Variants in BCL6B observed in about 807,000 individuals in gnomAD.
BCL6B encodes BCL6B transcription repressor, also known as B-cell CLL/lymphoma 6 member B protein.
BCL6B carries 28 observed loss-of-function variants against 44.6 expected under a neutral mutation model. The ratio of observed to expected loss-of-function variants is 0.63; its 90% CI spans 0.47 to 0.86. The LOEUF (loss-of-function observed/expected upper bound fraction) is 0.86. Among genes scored for constraint, BCL6B ranks in the 40% least tolerant of loss-of-function variants. The pLI is 0.00. For synonymous variants in BCL6B, 268 were observed against 263.6 expected, an observed-to-expected ratio of 1.02 and a Z score of -0.16; for missense variants, 626 against 652.3, an observed-to-expected ratio of 0.96 and a Z score of 0.44.
chr17:7,024,838 T>A lies in BCL6B; in HGVS notation c.764+75T>A. ...AGACAGAGTCATTGGGCCTTGATGGTCAGGAGGAAGGGAGATAGGTGGTGG... is the reference window on the plus strand; with the variant it reads ...AGACAGAGTCATTGGGCCTTGATGGACAGGAGGAAGGGAGATAGGTGGTGG... On this transcript the variant is annotated intron_variant, in intron 4 of 8. Transcript: ENST00000293805. This position sits in a 1 kb window ranked among gnomAD's most constrained non-coding sequence, Gnocchi z 6.6. 1 of 1,509,388 alleles carries A rather than the reference T, an allele frequency of 6.6e-7. No individual in the cohort carries two copies. The highest frequency in any genetic ancestry group is 8.9e-7 in the Non-Finnish European group (1 of 1,129,572). The allele number at this position is 1,509,388 out of a possible 1,614,324, so 93.5% of individuals were successfully genotyped here.
At chr17:7,023,529 G>A in intron 1 of BCL6B, 131 bp from the exon 2 acceptor site, 1 of 831,348 alleles carries the variant, frequency 1.2e-6, no homozygotes, top group Non-Finnish European at 1.8e-6. Context: ...AATTAGGAGG[G>A]AGGCTGCGTG....
Position 7,024,431 on chromosome 17 carries a change from C to T in BCL6B, c.432C>T (p.Pro144=). ...SYEPLGISLR[P]LEAEPPTPPT... ...AACCTCTGGGCATCTCCCTGCGCCC[C>T]CTGGAAGCAGAACCCCCAACACCCC... The change falls in exon 4 of 9, where the codon CCC becomes CCT. Residue 144 remains proline, a synonymous_variant. Transcript: ENST00000293805. The surrounding 1 kb of genome is among the most constrained non-coding windows in gnomAD (Gnocchi z 6.6). 6.2e-7 allele frequency: 1 copy of T among 1,613,774 alleles called. No homozygotes were observed. Among genetic ancestry groups the T allele is most frequent in the Non-Finnish European group, 8.5e-7 (1 of 1,179,882 alleles).
rs1308492519 is a variant in BCL6B at position 7,026,555 on chromosome 17, T to G, written c.988T>G (p.Cys330Gly). ...VPGDEDKPYK[C>G]QLCRSSFRYK... The stretch of plus-strand genomic sequence containing the variant: ...TGGGGACGAAGACAAACCCTATAAG[T>G]GTCAGCTGTGCCGGTCTTCGTTCCG... Residue 330 changes from cysteine to glycine, a missense_variant, in exon 6 of 9, where the codon TGT becomes GGT. By Grantham distance (159) the Cys-to-Gly change is radical (BLOSUM62 -3). Transcript: ENST00000293805. The G allele has an allele frequency of 6.2e-7, 1 of 1,614,082 alleles. No individual in the cohort carries two copies. Among genetic ancestry groups the G allele is most frequent in the African/African-American group, 1.3e-5 (1 of 74,936 alleles).
intron 5 of BCL6B, 129 bp from the exon 6 acceptor site, chr17:7,026,328 A>T (rs1487118254): frequency 3.5e-5 from 45 of 1,277,656 alleles, no homozygotes; most frequent in Non-Finnish European, 4.5e-5. Context: ...AGCAAGTCAA[A>T]CCAGCCCCAG....
In BCL6B at chr17:7,026,727, A is replaced by G. The variant is rs1192906267; in HGVS notation, c.1077A>G (p.Ser359=). Residue 359 remains serine (S), a synonymous_variant, in exon 7 of 9, where the codon TCA becomes TCG. Coordinates refer to ENST00000293805, the MANE Select transcript of BCL6B (RefSeq NM_181844.4). The part of the protein sequence containing the change: ...VHTGEKPYHC[S]ICGARFNRPA... ...CAGGGGAAAAGCCTTACCACTGCTC[A>G]ATCTGCGGAGCCCGTTTTAACCGGC... The G allele has an allele frequency of 1.9e-6, 3 of 1,614,090 alleles. No individual in the cohort carries two copies. Among genetic ancestry groups the G allele is most frequent in the South Asian group, 1.1e-5 (1 of 91,090 alleles).
chr17:7,024,877 T>C lies in BCL6B; in HGVS notation c.764+114T>C, dbSNP rs1597340470. 6.8e-7 allele frequency: 1 copy of C among 1,469,126 alleles called. No individual in the cohort carries two copies. Among genetic ancestry groups the C allele is most frequent in the Admixed American group, 2.5e-5 (1 of 40,638 alleles). The allele number at this position is 1,469,126 out of a possible 1,614,324, so 91.0% of individuals were successfully genotyped here. ...GATAGGTGGTGGGTTTCAGAGACAC[T>C]AGCTCACCTTAAGGAGCTGGCCAGA... On this transcript the variant is annotated intron_variant, in intron 4 of 8. Coordinates refer to ENST00000293805, the MANE Select transcript of BCL6B (RefSeq NM_181844.4). The surrounding 1 kb of genome is among the most constrained non-coding windows in gnomAD (Gnocchi z 6.6).
chr17:7,029,354 T>C lies in BCL6B; in HGVS notation c.*1735T>C, dbSNP rs1910391913. 1 of 992,916 alleles carries C rather than the reference T, an allele frequency of 1.0e-6. No homozygotes were observed. Among genetic ancestry groups the C allele is most frequent in the South Asian group, 4.4e-5 (1 of 22,854 alleles). 61.5% of individuals were successfully genotyped at this position (992,916 alleles called of 1,614,324 possible). ...GGCTTATCTGATTATGGGACGAGGG[T>C]AGAAAGTAAGAAGCACTTTTGAATT... On this transcript the variant is annotated 3_prime_UTR_variant, in exon 9 of 9. Coordinates refer to ENST00000293805, the MANE Select transcript of BCL6B (RefSeq NM_181844.4).
rs970981666 is a variant in BCL6B at position 7,029,454 on chromosome 17, C to T, written c.*1835C>T. 1.9e-5 allele frequency: 20 copies of T among 1,037,194 alleles called. No individual in the cohort carries two copies. The African/African-American group carries it at 2.9e-4, about 15-fold the overall frequency. 64.2% of individuals were successfully genotyped at this position (1,037,194 alleles called of 1,614,324 possible). Reference sequence around the variant, plus strand: ...GGACTAGTGAGAAAGCTACTCTTCTCCCTCTTCCCTCTTTCTCCCCATGGC... The same window carrying T: ...GGACTAGTGAGAAAGCTACTCTTCTTCCTCTTCCCTCTTTCTCCCCATGGC... On this transcript the variant is annotated 3_prime_UTR_variant, in exon 9 of 9. Coordinates refer to ENST00000293805, the MANE Select transcript of BCL6B (RefSeq NM_181844.4).
rs1358070666 is a variant in BCL6B at position 7,023,815 on chromosome 17, C to A, written c.144C>A (p.Pro48=). 1 of 1,613,312 alleles carries A rather than the reference C, an allele frequency of 6.2e-7. No homozygotes were observed. Among genetic ancestry groups the A allele is most frequent in the Non-Finnish European group, 8.5e-7 (1 of 1,180,010 alleles). The change falls in exon 2 of 9, where the codon CCC becomes CCA. Residue 48 remains proline (P), a synonymous_variant. Coordinates refer to ENST00000293805, the MANE Select transcript of BCL6B (RefSeq NM_181844.4). The stretch of plus-strand genomic sequence containing the variant: ...TCACGCTGCTGGTTGGCGGGCAACC[C>A]CTCAGAGCACACAAGGCAGTTCTCA... ...TDVTLLVGGQ[P]LRAHKAVLIA...
Position 7,026,499 on chromosome 17 carries a change from G to C in BCL6B, c.932G>C (p.Gly311Ala). 1 of 1,614,140 alleles carries C rather than the reference G, an allele frequency of 6.2e-7. No individual in the cohort carries two copies. The change falls in exon 6 of 9, where the codon GGG becomes GCG. Residue 311 changes from glycine to alanine, a missense_variant. Gly to Ala is a moderately conservative substitution (Grantham distance 60). Coordinates refer to ENST00000293805, the MANE Select transcript of BCL6B (RefSeq NM_181844.4). ...FSCQNCEAVA[G>A]CSSGLDSLVP... ...TGCCAGAACTGTGAGGCTGTGGCAG[G>C]GTGCTCATCGGGGCTGGACTCCTTG...
intron 5 of BCL6B, among the ~76,000 whole-genome samples, chr17:7,025,835 T>TGA (rs1910272168): frequency 4.7e-5 from 1 of 21,062 alleles, no homozygotes; most frequent in Non-Finnish European, 1.1e-4. Context: ...AGACTCTGTC[T>TGA]CAAAAAAAAA....
Position 7,024,146 on chromosome 17 carries a change from C to CG in BCL6B, c.248dup (p.Pro84SerfsTer53). On this transcript the variant is annotated frameshift_variant, in exon 3 of 9. Transcript: ENST00000293805. LOFTEE classifies it high-confidence loss of function. The surrounding 1 kb of genome is among the most constrained non-coding windows in gnomAD (Gnocchi z 6.6). ...TCGGGGTGGACGTGCTCTCTCTGCCCGGGGGTCCCGAAGCGAGAGGCTTCG... is the reference window on the plus strand; with the variant it reads ...TCGGGGTGGACGTGCTCTCTCTGCCCGGGGGGTCCCGAAGCGAGAGGCTTCG... 6.2e-7 allele frequency: 1 copy of CG among 1,614,034 alleles called. No individual in the cohort carries two copies. Among genetic ancestry groups the CG allele is most frequent in the Non-Finnish European group, 8.5e-7 (1 of 1,180,028 alleles).
In BCL6B at chr17:7,024,830, C is replaced by T; in HGVS notation, c.764+67C>T. 7 of 1,519,032 alleles carry T rather than the reference C, an allele frequency of 4.6e-6. No homozygotes were observed. The highest frequency in any genetic ancestry group is 6.2e-6 in the Non-Finnish European group (7 of 1,133,694). 94.1% of individuals were successfully genotyped at this position (1,519,032 alleles called of 1,614,324 possible). On this transcript the variant is annotated intron_variant, in intron 4 of 8. Coordinates refer to ENST00000293805, the MANE Select transcript of BCL6B (RefSeq NM_181844.4). The surrounding 1 kb of genome is among the most constrained non-coding windows in gnomAD (Gnocchi z 6.6). ...CAGCTAGAAGACAGAGTCATTGGGC[C>T]TTGATGGTCAGGAGGAAGGGAGATA...
intron 2 of BCL6B, 78 bp downstream of exon 2, chr17:7,023,928 C>T (rs772717387): frequency 6.4e-7 from 1 of 1,557,668 alleles, no homozygotes; most frequent in Non-Finnish European, 8.7e-7. Flanking sequence ...GAATCCGAAG[C>T]CAAGTCTTTC....
At chr17:7,025,005 A>G (rs1447366885) in intron 4 of BCL6B, 71 bp from the exon 5 acceptor site, 1 of 1,565,446 alleles carries the variant, frequency 6.4e-7, no homozygotes, top group Non-Finnish European at 8.7e-7. Flanking sequence ...TTGGCTCCAA[A>G]TTTCCCAGGA....
In BCL6B at chr17:7,024,146, C is replaced by T. The variant is rs1034377521; in HGVS notation, c.243C>T (p.Pro81=). ...TCGGGGTGGACGTGCTCTCTCTGCC[C>T]GGGGGTCCCGAAGCGAGAGGCTTCG... ...AGVGVDVLSL[P]GGPEARGFAP... is the part of the protein sequence containing the mutation. Residue 81 remains proline, a synonymous_variant, in exon 3 of 9, where the codon CCC becomes CCT. Transcript: ENST00000293805. This position sits in a 1 kb window ranked among gnomAD's most constrained non-coding sequence, Gnocchi z 6.6. 1.9e-6 allele frequency: 3 copies of T among 1,614,034 alleles called. No individual in the cohort carries two copies. Among genetic ancestry groups the T allele is most frequent in the Non-Finnish European group, 2.5e-6 (3 of 1,180,028 alleles).
In BCL6B at chr17:7,027,034, C is replaced by T. The variant is rs1286857129; in HGVS notation, c.1270C>T (p.Leu424=). Residue 424 remains leucine, a synonymous_variant, in exon 8 of 9, where the codon CTG becomes TTG. Coordinates refer to ENST00000293805, the MANE Select transcript of BCL6B (RefSeq NM_181844.4). ...CPTCGTRFRH[L]QTLKSHVRIH... Reference sequence around the variant, plus strand: ...TACCTGCGGAACCCGCTTCCGCCACCTGCAGACCCTCAAGAGCCACGTTCG... The same window carrying T: ...TACCTGCGGAACCCGCTTCCGCCACTTGCAGACCCTCAAGAGCCACGTTCG... 4 of 1,613,896 alleles carry T rather than the reference C, an allele frequency of 2.5e-6. No homozygotes were observed. The highest frequency in any genetic ancestry group is 1.7e-5 in the Admixed American group (1 of 60,016).
Position 7,024,010 on chromosome 17 carries a change from C to T in BCL6B, c.180-73C>T. On this transcript the variant is annotated intron_variant, in intron 2 of 8. Transcript: ENST00000293805. This position sits in a 1 kb window ranked among gnomAD's most constrained non-coding sequence, Gnocchi z 6.6. ...GAGGAGGCGGGACTTTTTCAGGGGG[C>T]GGGGCTTCCTGAAGCTGCGCATGTC... is the stretch of plus-strand genomic sequence containing the variant. The T allele has an allele frequency of 3.2e-6, 5 of 1,553,274 alleles. No individual in the cohort carries two copies. Among genetic ancestry groups the T allele is most frequent in the South Asian group, 2.3e-5 (2 of 88,456 alleles).
Position 7,026,507 on chromosome 17 carries a change from T to C in BCL6B, c.940T>C (p.Ser314Pro). The change falls in exon 6 of 9, where the codon TCG becomes CCG. Residue 314 changes from serine (S) to proline (P), a missense_variant. Ser to Pro is a moderately conservative substitution (Grantham distance 74). Coordinates refer to ENST00000293805, the MANE Select transcript of BCL6B (RefSeq NM_181844.4). ...CTGTGAGGCTGTGGCAGGGTGCTCA[T>C]CGGGGCTGGACTCCTTGGTTCCTGG... ...QNCEAVAGCS[S>P]GLDSLVPGDE... The C allele has an allele frequency of 6.2e-7, 1 of 1,614,206 alleles. No individual in the cohort carries two copies. The highest frequency in any genetic ancestry group is 8.5e-7 in the Non-Finnish European group (1 of 1,180,006).
Sources: allele counts gnomAD v4.1 joint callset (sites outside exome capture counted in the v4.1 genomes callset), GRCh38; gene constraint gnomAD v4.1.1; non-coding constraint Gnocchi (gnomAD v3.1); transcripts MANE v1.5; gene names NCBI Gene and HGNC (gene_info 2026-07-23, HGNC 2026-07-21).